The following SSU72L3 variants were observed in gnomAD, a reference collection of about 807,000 sequenced individuals.
SSU72L3 encodes the protein SSU72 like 3.
chr11:4,330,532 C>G, the SSU72L3 span: 2 of 597,074 alleles, frequency 3.3e-6, no homozygotes, highest in Non-Finnish European at 5.9e-6. Flanking sequence ...GAAGCATCTG[C>G]AAAGACCTTC....
the SSU72L3 span, chr11:4,330,434 C>G: frequency 7.6e-6 from 5 of 659,076 alleles, no homozygotes; most frequent in African/African-American, 7.3e-5. Context: ...TTCTTCACAC[C>G]GTCTGCTTCT....
At chr11:4,330,269 C>T in the SSU72L3 span, 141 of 755,126 alleles carry the variant, frequency 1.9e-4, 1 homozygote, top group African/African-American at 1.9e-3. Context: ...AGCCTGTGCA[C>T]GTGATCAACA....
the SSU72L3 span, among the ~76,000 whole-genome samples, chr11:4,330,623 G>C: frequency 6.6e-6 from 1 of 152,106 alleles, no homozygotes; most frequent in Non-Finnish European, 1.5e-5. Context: ...TGGGAAATGA[G>C]AAGGACTAAC....
At chr11:4,330,081 A>G in the SSU72L3 span, 5 of 771,326 alleles carry the variant, frequency 6.5e-6, no homozygotes, top group African/African-American at 1.7e-5. Flanking sequence ...CAGGAAAGAT[A>G]GAGAACGCTA....
chr11:4,329,832 C>T, the SSU72L3 span: 25 of 655,200 alleles, frequency 3.8e-5, no homozygotes, highest in Admixed American at 3.0e-4. Flanking sequence ...AACTGAGGTG[C>T]CTGTGTCTCT....
the SSU72L3 span, among the ~76,000 whole-genome samples, chr11:4,330,709 C>T: frequency 6.6e-6 from 1 of 152,180 alleles, no homozygotes; most frequent in African/African-American, 2.4e-5. Context: ...ATGCTTATAT[C>T]ATTCTACAAG....
At chr11:4,329,795 G>C in the SSU72L3 span, 1 of 596,154 alleles carries the variant, frequency 1.7e-6, no homozygotes, top group Non-Finnish European at 3.0e-6. Flanking sequence ...ATAGGTGGTC[G>C]TCTCCTCGGC....
the SSU72L3 span, chr11:4,329,885 G>A: frequency 1.8e-5 from 13 of 724,680 alleles, no homozygotes; most frequent in Non-Finnish European, 2.8e-5. Context: ...CCCCACTCAG[G>A]GTGGCTGTGG....
the SSU72L3 span, chr11:4,330,135 A>G: frequency 1.3e-6 from 1 of 750,994 alleles, no homozygotes; most frequent in South Asian, 1.5e-5. Context: ...AAATGAGAGA[A>G]TCAAGCCCGG....
the SSU72L3 span, chr11:4,330,250 A>C: frequency 2.7e-6 from 2 of 746,728 alleles, no homozygotes; most frequent in Non-Finnish European, 4.9e-6. Flanking sequence ...AGAGAACAGC[A>C]GACCTTTCAG....
chr11:4,329,929 C>T, the SSU72L3 span: 6 of 731,578 alleles, frequency 8.2e-6, no homozygotes, highest in Non-Finnish European at 1.5e-5. Context: ...AGCATGGAGG[C>T]CCACAGCATC....
the SSU72L3 span, chr11:4,329,882 C>A: frequency 4.1e-6 from 3 of 724,406 alleles, no homozygotes; most frequent in Admixed American, 1.9e-5. Context: ...CCTCCCCACT[C>A]AGGGTGGCTG....
the SSU72L3 span, chr11:4,330,043 C>T: frequency 1.3e-6 from 1 of 777,042 alleles, no homozygotes. Context: ...TTTGCAACAA[C>T]ATATAAGCAG....
At chr11:4,330,834 A>T in the SSU72L3 span, among the ~76,000 whole-genome samples, 1 of 152,134 alleles carries the variant, frequency 6.6e-6, no homozygotes, top group Non-Finnish European at 1.5e-5. Flanking sequence ...TGTATAGATA[A>T]GCACCTTTTA....
the SSU72L3 span, chr11:4,329,908 A>G: frequency 8.2e-6 from 6 of 729,782 alleles, no homozygotes; most frequent in Middle Eastern, 3.6e-4. Flanking sequence ...TGCGTGAGCA[A>G]TGTCAACAGG....
At chr11:4,329,808 C>T in the SSU72L3 span, 4,497 of 614,838 alleles carry the variant, frequency 7.3e-3, 317 homozygotes, top group African/African-American at 0.075. Context: ...TCCTCGGCTC[C>T]GAGTCCCTGC....
At chr11:4,330,435 G>A in the SSU72L3 span, 6 of 657,770 alleles carry the variant, frequency 9.1e-6, no homozygotes, top group East Asian at 2.6e-5. Context: ...TCTTCACACC[G>A]TCTGCTTCTA....
At chr11:4,330,074 G>A in the SSU72L3 span, 1 of 773,932 alleles carries the variant, frequency 1.3e-6, no homozygotes, top group Admixed American at 1.7e-5. Flanking sequence ...ACCTCCTCAG[G>A]AAAGATAGAG....
the SSU72L3 span, chr11:4,330,475 C>T: frequency 1.6e-6 from 1 of 610,520 alleles, no homozygotes; most frequent in Admixed American, 2.9e-5. Flanking sequence ...TTGTCCCCTT[C>T]CTCAGTAAGA....
Sources: allele counts gnomAD v4.1 joint callset (sites outside exome capture counted in the v4.1 genomes callset), GRCh38; gene constraint gnomAD v4.1.1; transcripts MANE v1.5; gene names NCBI Gene and HGNC (gene_info 2026-07-23, HGNC 2026-07-21).